The following PTPRN2 variants were observed in gnomAD, a reference collection of about 807,000 sequenced individuals.
PTPRN2 encodes receptor-type tyrosine-protein phosphatase N2.
Under a neutral mutation model 118.8 loss-of-function variants are expected in PTPRN2, and 74 were observed. The ratio of observed to expected loss-of-function variants is 0.62; its 90% confidence interval spans 0.52 to 0.76. The LOEUF (loss-of-function observed/expected upper bound fraction) is 0.76, where lower values mean the gene tolerates loss of function less well. PTPRN2 is among the 30% of genes least tolerant of loss of function. The pLI is 0.00. For synonymous variants in PTPRN2, 641 were observed against 608.0 expected, an observed-to-expected ratio of 1.05 and a Z score of -0.80; for missense variants, 1,481 against 1,394.4, an observed-to-expected ratio of 1.06 and a Z score of -0.99.
intron 21 of PTPRN2, among the ~76,000 whole-genome samples, chr7:157,565,053 C>T (rs1296781905): frequency 2.6e-5 from 4 of 152,230 alleles, no homozygotes; most frequent in African/African-American, 7.2e-5. Context: ...ATAACAGTCA[C>T]GGAAGCGCAG....
chr7:157,858,246 G>A (rs12698109), intron 12 of PTPRN2, among the ~76,000 whole-genome samples: 7 of 3,516 alleles, frequency 2.0e-3, no homozygotes, highest in South Asian at 0.031. Flanking sequence ...TGCAGGGAGA[G>A]CCCCGTCACC....
chr7:158,556,765 T>C (rs1258632574), intron 1 of PTPRN2, among the ~76,000 whole-genome samples: 40 of 83,638 alleles, frequency 4.8e-4, no homozygotes, highest in East Asian at 1.7e-3. Flanking sequence ...CCGAGCAGGT[T>C]GCTCCCACGC....
intron 19 of PTPRN2, among the ~76,000 whole-genome samples, chr7:157,573,573 A>G (rs931991745): frequency 6.6e-6 from 1 of 152,162 alleles, no homozygotes; most frequent in African/African-American, 2.4e-5. Flanking sequence ...CAAACCAGAT[A>G]CCCTTTAAGA....
rs1801790788 is a variant in PTPRN2 at position 157,964,747 on chromosome 7, T to A, written c.1724-66010A>T. ...TTGGCACTGGGTGCTCTGATTCCCT[T>A]CCTCAAGCTTCCCACTTGAAGGTTG... On this transcript the variant is annotated intron_variant, in intron 11 of 22. Coordinates refer to ENST00000389418, the MANE Select transcript of PTPRN2 (RefSeq NM_002847.5). This position sits in a 1 kb window ranked among gnomAD's most constrained non-coding sequence, Gnocchi z 9.0. 6.6e-6 allele frequency among the ~76,000 whole-genome samples: 1 copy of A among 152,112 alleles called. No homozygotes were observed. Among genetic ancestry groups the A allele is most frequent in the African/African-American group, 2.4e-5 (1 of 41,422 alleles).
chr7:158,058,356 C>G (rs35710138), intron 11 of PTPRN2, among the ~76,000 whole-genome samples: 2 of 136,994 alleles, frequency 1.5e-5, no homozygotes, highest in African/African-American at 5.8e-5. Flanking sequence ...CTCCATCTGC[C>G]CACGGTGACA....
At chr7:158,274,301 A>G (rs549620347) in intron 3 of PTPRN2, among the ~76,000 whole-genome samples, 199 of 126,678 alleles carry the variant, frequency 1.6e-3, no homozygotes, top group African/African-American at 5.7e-3. Flanking sequence ...ACAGGAGGAG[A>G]CACACAAGGA....
intron 12 of PTPRN2, among the ~76,000 whole-genome samples, chr7:157,883,088 A>T (rs1563205119): frequency 6.6e-6 from 1 of 150,528 alleles, no homozygotes; most frequent in Non-Finnish European, 1.5e-5. Flanking sequence ...TGGAGACCAG[A>T]ACACACCACC....
intron 3 of PTPRN2, among the ~76,000 whole-genome samples, chr7:158,215,316 C>G (rs1426890338): frequency 1.3e-5 from 2 of 152,006 alleles, no homozygotes; most frequent in African/African-American, 4.8e-5. Flanking sequence ...TACTCAATGT[C>G]AACAACACAG....
intron 3 of PTPRN2, among the ~76,000 whole-genome samples, chr7:158,222,831 T>C (rs1315844418): frequency 6.6e-6 from 1 of 151,174 alleles, no homozygotes; most frequent in African/African-American, 2.4e-5. Flanking sequence ...ATAATAAGGA[T>C]AAGAAAAGAA....
chr7:158,470,181 A>G (rs1480820631), intron 2 of PTPRN2, among the ~76,000 whole-genome samples: 1 of 152,280 alleles, frequency 6.6e-6, no homozygotes, highest in Non-Finnish European at 1.5e-5. Flanking sequence ...ATATGGTTAT[A>G]GCATTTTATT....
chr7:157,717,911 T>C (rs933056611), intron 12 of PTPRN2, among the ~76,000 whole-genome samples: 6 of 152,258 alleles, frequency 3.9e-5, no homozygotes, highest in Non-Finnish European at 8.8e-5. Context: ...ATGAAGCCAT[T>C]TTTCGGTATT....
At chr7:158,263,076 ACACACACCACACACATT>A (rs1196507193) in intron 3 of PTPRN2, among the ~76,000 whole-genome samples, 2 of 143,782 alleles carry the variant, frequency 1.4e-5, no homozygotes, top group African/African-American at 2.7e-5. Context: ...CACACACATC[ACACACACCACACACATT>A]CACACACTGC....
At chr7:158,584,002 T>C (rs1452592445) in intron 1 of PTPRN2, among the ~76,000 whole-genome samples, 1 of 152,342 alleles carries the variant, frequency 6.6e-6, no homozygotes, top group Non-Finnish European at 1.5e-5. Flanking sequence ...CCTGCTCCGA[T>C]GGCTCTGCCT....
intron 11 of PTPRN2, among the ~76,000 whole-genome samples, chr7:157,901,545 C>T (rs916758942): frequency 9.2e-5 from 14 of 152,234 alleles, no homozygotes; most frequent in Non-Finnish European, 2.1e-4. Flanking sequence ...CTGCTCTTAA[C>T]ATAGTTTATT....
In PTPRN2 at chr7:158,167,088, G is replaced by A. The variant is rs1348725726; in HGVS notation, c.753C>T (p.Ala251=). The A allele has an allele frequency of 2.5e-6, 4 of 1,609,350 alleles. No homozygotes were observed. Among genetic ancestry groups the A allele is most frequent in the East Asian group, 4.5e-5 (2 of 44,782 alleles). ...HLMAALSAYA[A]QRPPAPPGEG... is the part of the protein sequence containing the mutation. Reference sequence around the variant, plus strand: ...CCCCGGGGGGAGCTGGGGGCCTCTGGGCAGCATAGGCACTGAGGGCCGCCA... The same window carrying A: ...CCCCGGGGGGAGCTGGGGGCCTCTGAGCAGCATAGGCACTGAGGGCCGCCA... The change falls in exon 6 of 23, where the codon GCC becomes GCT. Residue 251 remains alanine, a synonymous_variant. Transcript: ENST00000389418.
chr7:157,686,370 T>C (rs1056149896), intron 12 of PTPRN2, among the ~76,000 whole-genome samples: 3 of 152,246 alleles, frequency 2.0e-5, no homozygotes, highest in African/African-American at 7.2e-5. Context: ...AATTTTTTTC[T>C]AAGTGATTGA....
intron 2 of PTPRN2, among the ~76,000 whole-genome samples, chr7:158,372,552 C>A (rs1303373148): frequency 1.3e-5 from 2 of 151,140 alleles, no homozygotes; most frequent in Non-Finnish European, 2.9e-5. Flanking sequence ...CAGAGCTGGT[C>A]TCCCCTGTGC....
At chr7:157,574,976 A>AGC (rs1799952858) in intron 19 of PTPRN2, among the ~76,000 whole-genome samples, 1 of 152,226 alleles carries the variant, frequency 6.6e-6, no homozygotes, top group Non-Finnish European at 1.5e-5. Flanking sequence ...GGGGTTCATT[A>AGC]GCTTTTGAAT....
In PTPRN2 at chr7:157,598,507, G is replaced by A. The variant is rs1801480853; in HGVS notation, c.2419-3192C>T. ...AGGAGCTTGGACGTCGGCGTCTCCGGGCCTCAGTCTCCATATCTGTATGGT... is the reference window on the plus strand; with the variant it reads ...AGGAGCTTGGACGTCGGCGTCTCCGAGCCTCAGTCTCCATATCTGTATGGT... On this transcript the variant is annotated intron_variant, in intron 16 of 22. Coordinates refer to ENST00000389418, the MANE Select transcript of PTPRN2 (RefSeq NM_002847.5). The surrounding 1 kb of genome is among the most constrained non-coding windows in gnomAD (Gnocchi z 5.2). Among the ~76,000 whole-genome samples the A allele has an allele frequency of 6.7e-6, 1 of 149,148 alleles. No individual in the cohort carries two copies. The highest frequency in any genetic ancestry group is 6.6e-5 in the Admixed American group (1 of 15,162).
Sources: gnomAD v4.1 joint callset for allele counts (sites outside exome capture counted in the v4.1 genomes callset) on GRCh38, gnomAD v4.1.1 for gene constraint, Gnocchi (gnomAD v3.1) non-coding constraint, MANE v1.5 for transcripts, NCBI Gene and HGNC (gene_info 2026-07-23, HGNC 2026-07-21) for gene names.